Variants in HDAC4 observed in about 807,000 individuals in gnomAD.
HDAC4 encodes the protein histone deacetylase 4.
In HDAC4, 16 loss-of-function variants were observed where a neutral mutation model predicts 135.1. That is an observed-to-expected ratio of 0.12 (90% CI 0.08 to 0.18). HDAC4 has a LOEUF of 0.18. Ranked by LOEUF, HDAC4 falls within the 10% of genes least tolerant of loss-of-function variation. The probability of loss-of-function intolerance (pLI) is 1.00; values close to 1 mark genes in which losing one functional copy is unlikely to be tolerated. For synonymous variants in HDAC4, 685 were observed against 653.4 expected (o/e 1.05, Z -0.74); for missense variants, 1,143 against 1,511.8 (o/e 0.76, Z 4.05).
intron 21 of HDAC4, among the ~76,000 whole-genome samples, 163 bp from the exon 22 acceptor site, chr2:239,081,355 GA>G (rs1193234366): frequency 3.3e-5 from 5 of 152,228 alleles, no homozygotes; most frequent in Non-Finnish European, 7.3e-5. Flanking sequence ...AGACGCGTGT[GA>G]AGGGGCCCCA....
intron 3 of HDAC4, among the ~76,000 whole-genome samples, chr2:239,197,882 T>TGTGTGCGC (rs796837146): frequency 3.3e-5 from 5 of 150,312 alleles, no homozygotes; most frequent in African/African-American, 1.2e-4. Context: ...TGTGTGTGTG[T>TGTGTGCGC]GCTGAGTGTC....
intron 1 of HDAC4, among the ~76,000 whole-genome samples, chr2:239,391,565 G>A (rs1175873812): frequency 6.6e-6 from 1 of 152,224 alleles, no homozygotes; most frequent in East Asian, 1.9e-4. Context: ...CTGAGTCTCT[G>A]CGGGAGAGAC....
chr2:239,103,882 G>A (rs903692296), intron 15 of HDAC4, among the ~76,000 whole-genome samples: 5 of 152,268 alleles, frequency 3.3e-5, no homozygotes, highest in African/African-American at 1.2e-4. Flanking sequence ...CAGGGTGGAG[G>A]AAGAAGGGGC....
chr2:239,283,113 G>T (rs1298768364), intron 2 of HDAC4, among the ~76,000 whole-genome samples: 2 of 152,264 alleles, frequency 1.3e-5, no homozygotes, highest in Non-Finnish European at 2.9e-5. Flanking sequence ...AGCCACGCAT[G>T]CAGGAGCAAT....
At chr2:239,142,278 A>G (rs571495480) in intron 8 of HDAC4, among the ~76,000 whole-genome samples, 20 of 152,256 alleles carry the variant, frequency 1.3e-4, no homozygotes, top group Admixed American at 1.2e-3. Flanking sequence ...CCACCGCTCC[A>G]TATGGGACCA....
chr2:239,199,779 G>C (rs2045641292), intron 3 of HDAC4, among the ~76,000 whole-genome samples: 1 of 151,262 alleles, frequency 6.6e-6, no homozygotes, highest in Admixed American at 6.6e-5. Flanking sequence ...TGTCACCCAG[G>C]CTGGAGTGCA....
At chr2:239,181,451 G>A (rs1042180865) in intron 4 of HDAC4, among the ~76,000 whole-genome samples, 3 of 152,266 alleles carry the variant, frequency 2.0e-5, no homozygotes, top group African/African-American at 7.2e-5. Context: ...CGTGTGCGCA[G>A]GAGGGGCAGG....
At chr2:239,114,909 G>C (rs1415376780) in intron 13 of HDAC4, 144 bp downstream of exon 13, 1 of 986,946 alleles carries the variant, frequency 1.0e-6, no homozygotes, top group Non-Finnish European at 1.5e-6. Flanking sequence ...CTCCCTCACT[G>C]GCCAGGACAA....
chr2:239,325,707 G>A (rs533649888), intron 2 of HDAC4, among the ~76,000 whole-genome samples: 1 of 152,342 alleles, frequency 6.6e-6, no homozygotes, highest in East Asian at 1.9e-4. Context: ...GCTCACGCCT[G>A]TAATCCCAGC....
intron 2 of HDAC4, among the ~76,000 whole-genome samples, chr2:239,264,646 A>T (rs754501647): frequency 8.5e-5 from 13 of 152,166 alleles, no homozygotes; most frequent in Non-Finnish European, 1.8e-4. Flanking sequence ...AGGTTGAGGA[A>T]GCTGATGCAA....
At position 239,139,824 on chromosome 2, in the gene HDAC4, T is replaced by G. The variant is rs765392444; in HGVS notation, c.866-28A>C. On this transcript the variant is annotated intron_variant, in intron 8 of 26. Transcript: ENST00000543185. This position sits in a 1 kb window ranked among gnomAD's most constrained non-coding sequence, Gnocchi z 5.3. ...GCGGAGGCAGAAATACCCTGGTGAG[T>G]GTTACTCCATGCGGAGGGAGGGCCG... is the stretch of plus-strand genomic sequence containing the variant. 6.3e-7 allele frequency: 1 copy of G among 1,592,754 alleles called. No homozygotes were observed. Among genetic ancestry groups the G allele is most frequent in the Non-Finnish European group, 8.6e-7 (1 of 1,161,102 alleles).
chr2:239,298,518 G>A, intron 2 of HDAC4: 1 of 1,045,038 alleles, frequency 9.6e-7, no homozygotes, highest in Non-Finnish European at 1.2e-6. Context: ...ACTCTACAGG[G>A]GCCTCCTCAT....
At chr2:239,148,560 G>A (rs1232393615) in intron 7 of HDAC4, among the ~76,000 whole-genome samples, 1 of 152,192 alleles carries the variant, frequency 6.6e-6, no homozygotes, top group Non-Finnish European at 1.5e-5. Context: ...GCCACATCGA[G>A]GGCAAGACGA....
intron 22 of HDAC4, among the ~76,000 whole-genome samples, chr2:239,073,036 C>G (rs572748200): frequency 1.3e-5 from 2 of 152,208 alleles, no homozygotes; most frequent in African/African-American, 4.8e-5. Flanking sequence ...CAAGCTCAGA[C>G]GGGAGAAGAG....
chr2:239,311,364 G>A (rs922230431), intron 2 of HDAC4, among the ~76,000 whole-genome samples: 9 of 152,200 alleles, frequency 5.9e-5, no homozygotes, highest in African/African-American at 2.2e-4. Context: ...CCGTTAGACT[G>A]GGTAGCATTT....
At chr2:239,136,712 T>G (rs772821583) in intron 9 of HDAC4, among the ~76,000 whole-genome samples, 13 of 152,146 alleles carry the variant, frequency 8.5e-5, no homozygotes, top group Non-Finnish European at 1.8e-4. Context: ...GCAGCCAGTA[T>G]AAAAGTGGGC....
chr2:239,198,221 T>C (rs943172001), intron 3 of HDAC4, among the ~76,000 whole-genome samples: 5 of 150,948 alleles, frequency 3.3e-5, no homozygotes, highest in East Asian at 1.9e-4. Flanking sequence ...AGGTGCCTGG[T>C]TGCCCCTGGT....
At chr2:239,127,386 G>A (rs569905625) in intron 11 of HDAC4, among the ~76,000 whole-genome samples, 1 of 152,238 alleles carries the variant, frequency 6.6e-6, no homozygotes, top group African/African-American at 2.4e-5. Context: ...GCTTTAATTG[G>A]CATCTGTATC....
At chr2:239,205,858 G>A (rs1028152952) in intron 3 of HDAC4, among the ~76,000 whole-genome samples, 6 of 152,158 alleles carry the variant, frequency 3.9e-5, no homozygotes, top group African/African-American at 7.2e-5. Flanking sequence ...TGTAACCCAC[G>A]TGTTGTAGAG....
Sources: allele counts gnomAD v4.1 joint callset (sites outside exome capture counted in the v4.1 genomes callset), GRCh38; gene constraint gnomAD v4.1.1; non-coding constraint Gnocchi (gnomAD v3.1); transcripts MANE v1.5; gene names NCBI Gene and HGNC (gene_info 2026-07-23, HGNC 2026-07-21).